The following PCCA variants were observed in gnomAD, a reference collection of about 807,000 sequenced individuals.
The protein encoded by PCCA is propionyl-CoA carboxylase alpha chain, mitochondrial.
PCCA carries 74 observed loss-of-function variants against 101.3 expected under a neutral mutation model. The ratio of observed to expected loss-of-function variants is 0.73; its 90% CI spans 0.61 to 0.89. PCCA has a LOEUF of 0.89. Ranked by LOEUF, PCCA falls within the 40% of genes least tolerant of loss-of-function variation. The probability of loss-of-function intolerance (pLI) is 0.00; values close to 1 mark genes in which losing one functional copy is unlikely to be tolerated. For synonymous variants in PCCA, 294 were observed against 313.6 expected (o/e 0.94, Z 0.66); for missense variants, 891 against 907.0 (o/e 0.98, Z 0.23).
Position 100,118,551 on chromosome 13 carries a change from C to CT in PCCA, c.300+6497dup, listed in dbSNP as rs1372900504. 3.9e-5 allele frequency among the ~76,000 whole-genome samples: 6 copies of CT among 152,032 alleles called. No individual in the cohort carries two copies. The East Asian group carries it at 1.2e-3, about 29-fold the overall frequency. ...GACTACTTCATAAGTGATGTTCTTT[C>CT]TTTTTTTCTTTTTTTTGTGACAGAG... On this transcript the variant is annotated intron_variant, in intron 4 of 23. Transcript: ENST00000376285.
chr13:100,414,484 A>G (rs1339774160), intron 19 of PCCA, among the ~76,000 whole-genome samples: 2 of 152,220 alleles, frequency 1.3e-5, no homozygotes, highest in East Asian at 3.8e-4. Flanking sequence ...TTAAGAATCA[A>G]TTATTATAAG....
chr13:100,209,233 T>A (rs2059057771), intron 6 of PCCA, 99 bp from the exon 7 acceptor site: 2 of 1,002,192 alleles, frequency 2.0e-6, no homozygotes, highest in East Asian at 4.8e-5. Flanking sequence ...TAAAAATAAT[T>A]AGAAAATACA....
chr13:100,323,763 G>A (rs1248111896), intron 16 of PCCA, among the ~76,000 whole-genome samples: 1 of 152,142 alleles, frequency 6.6e-6, no homozygotes, highest in African/African-American at 2.4e-5. Flanking sequence ...GGATAGTAAT[G>A]TTCTTTTTTG....
At chr13:100,307,898 C>T (rs762897427) in intron 15 of PCCA, among the ~76,000 whole-genome samples, 18 of 152,064 alleles carry the variant, frequency 1.2e-4, no homozygotes, top group African/African-American at 1.9e-4. Flanking sequence ...TCGCTCTGTC[C>T]GCCAGCCTGG....
chr13:100,269,866 A>G (rs1043489935), intron 11 of PCCA, among the ~76,000 whole-genome samples: 1 of 152,204 alleles, frequency 6.6e-6, no homozygotes, highest in Non-Finnish European at 1.5e-5. Flanking sequence ...GTTTTAAAAC[A>G]TGGACCCCAA....
intron 15 of PCCA, among the ~76,000 whole-genome samples, chr13:100,307,813 A>G (rs1406093195): frequency 6.6e-6 from 1 of 152,198 alleles, no homozygotes; most frequent in Non-Finnish European, 1.5e-5. Flanking sequence ...AAAACCGTAT[A>G]AAGTGTAAAA....
At chr13:100,291,165 C>T (rs1427967588) in intron 12 of PCCA, among the ~76,000 whole-genome samples, 1 of 152,080 alleles carries the variant, frequency 6.6e-6, no homozygotes, top group African/African-American at 2.4e-5. Context: ...GTAATCCCAG[C>T]ACTTTTGGAG....
chr13:100,210,299 C>T (rs1479840815), intron 7 of PCCA, among the ~76,000 whole-genome samples: 1 of 152,118 alleles, frequency 6.6e-6, no homozygotes, highest in Non-Finnish European at 1.5e-5. Context: ...TTTTAAATAG[C>T]ATAAGTTAAA....
chr13:100,253,889 A>G (rs1156870417), intron 8 of PCCA, among the ~76,000 whole-genome samples: 2 of 149,156 alleles, frequency 1.3e-5, no homozygotes, highest in African/African-American at 4.9e-5. Flanking sequence ...AGTCTCTTCT[A>G]CTAGGACTTT....
At chr13:100,415,617 T>A (rs1272241889) in intron 19 of PCCA, among the ~76,000 whole-genome samples, 2 of 152,190 alleles carry the variant, frequency 1.3e-5, no homozygotes, top group Non-Finnish European at 2.9e-5. Flanking sequence ...AAAGTCTTTT[T>A]AAAAATAGCA....
chr13:100,438,118 T>G (rs1299507911), intron 20 of PCCA, among the ~76,000 whole-genome samples: 2 of 152,090 alleles, frequency 1.3e-5, no homozygotes, highest in Admixed American at 6.5e-5. Context: ...TTTTTTTTCT[T>G]GAAGGCAAAC....
intron 20 of PCCA, among the ~76,000 whole-genome samples, chr13:100,438,269 C>G (rs1273522199): frequency 6.6e-6 from 1 of 151,996 alleles, no homozygotes; most frequent in Non-Finnish European, 1.5e-5. Context: ...ATCCTCCTGC[C>G]TCTGCCTTCT....
intron 21 of PCCA, among the ~76,000 whole-genome samples, chr13:100,464,036 A>G (rs1004829632): frequency 5.3e-5 from 8 of 152,222 alleles, no homozygotes; most frequent in Admixed American, 1.3e-4. Context: ...ATGATTCTAC[A>G]TATGTCAGCT....
At chr13:100,414,549 G>A (rs531649614) in intron 19 of PCCA, among the ~76,000 whole-genome samples, 5 of 152,206 alleles carry the variant, frequency 3.3e-5, no homozygotes, top group South Asian at 4.1e-4. Flanking sequence ...GCACTGAAGC[G>A]AGTGACTTAG....
At chr13:100,289,823 C>CT (rs1458490984) in intron 12 of PCCA, among the ~76,000 whole-genome samples, 13 of 151,778 alleles carry the variant, frequency 8.6e-5, no homozygotes, top group African/African-American at 1.2e-4. Context: ...TCTTTTTTAG[C>CT]TTTTTTTTAG....
At chr13:100,292,687 TTCTC>T (rs1188969537) in intron 12 of PCCA, among the ~76,000 whole-genome samples, 1 of 152,222 alleles carries the variant, frequency 6.6e-6, no homozygotes, top group Non-Finnish European at 1.5e-5. Context: ...AATAATAACT[TTCTC>T]TCATTCTTTT....
At chr13:100,324,952 C>T (rs2068487913) in intron 16 of PCCA, among the ~76,000 whole-genome samples, 2 of 152,122 alleles carry the variant, frequency 1.3e-5, no homozygotes, top group South Asian at 2.1e-4. Context: ...CAAAGTGCTA[C>T]TAGTAATGCT....
At chr13:100,089,247 C>T (rs1428142555) in intron 1 of PCCA, 22 bp downstream of exon 1, 11 of 1,475,964 alleles carry the variant, frequency 7.5e-6, no homozygotes, top group Non-Finnish European at 9.9e-6. Context: ...CGGGGCCTCG[C>T]GGGTCCGGGC....
At chr13:100,125,939 T>C (rs1404229653) in intron 4 of PCCA, among the ~76,000 whole-genome samples, 1 of 152,202 alleles carries the variant, frequency 6.6e-6, no homozygotes. Flanking sequence ...GCATTAGCAA[T>C]GGCTCGTCTG....
Sources: gnomAD v4.1 joint callset for allele counts (sites outside exome capture counted in the v4.1 genomes callset) on GRCh38, gnomAD v4.1.1 for gene constraint, MANE v1.5 for transcripts, NCBI Gene and HGNC (gene_info 2026-07-23, HGNC 2026-07-21) for gene names.